The following DPP10 variants were observed in gnomAD, a reference collection of about 807,000 sequenced individuals.
DPP10 encodes the protein inactive dipeptidyl peptidase 10.
A neutral mutation model predicts 120.9 loss-of-function variants in DPP10; 33 were observed. The ratio of observed to expected loss-of-function variants is 0.27; its 90% CI spans 0.21 to 0.37. The LOEUF is 0.37. Ranked by LOEUF, DPP10 falls within the 10% of genes least tolerant of loss-of-function variation. The probability of loss-of-function intolerance (pLI) is 1.00; values close to 1 mark genes in which losing one functional copy is unlikely to be tolerated. For synonymous variants in DPP10, 337 were observed against 326.1 expected, an observed-to-expected ratio of 1.03 and a Z score of -0.36; for missense variants, 816 against 942.8, an observed-to-expected ratio of 0.87 and a Z score of 1.76.
chr2:115,655,744 C>T (rs1464567702), intron 5 of DPP10, among the ~76,000 whole-genome samples: 2 of 151,452 alleles, frequency 1.3e-5, no homozygotes, highest in South Asian at 2.1e-4. Context: ...ATCATATAAT[C>T]GCTCAACACA....
chr2:115,372,480 G>T (rs114247539), intron 3 of DPP10, among the ~76,000 whole-genome samples: 1,684 of 152,186 alleles, frequency 0.011, 27 homozygotes, highest in African/African-American at 0.039. Flanking sequence ...ATTTTGCAGG[G>T]TATCTCATTG....
chr2:114,957,128 G>C (rs781569716), intron 1 of DPP10, among the ~76,000 whole-genome samples: 1 of 151,704 alleles, frequency 6.6e-6, no homozygotes, highest in Non-Finnish European at 1.5e-5. Context: ...GGAAATAATA[G>C]AGTGAAAAAA....
chr2:115,326,860 G>C (rs764693777), intron 2 of DPP10, among the ~76,000 whole-genome samples: 2 of 151,998 alleles, frequency 1.3e-5, no homozygotes, highest in Non-Finnish European at 2.9e-5. Context: ...AAGTAAAGCA[G>C]TTACAGGAAG....
intron 1 of DPP10, among the ~76,000 whole-genome samples, chr2:114,531,847 G>C (rs1274134330): frequency 1.3e-5 from 2 of 151,828 alleles, no homozygotes; most frequent in African/African-American, 4.8e-5. Flanking sequence ...CTGAACTAAG[G>C]GATGCTCATA....
chr2:115,016,431 GA>G (rs1702641683), intron 1 of DPP10, among the ~76,000 whole-genome samples: 1 of 152,118 alleles, frequency 6.6e-6, no homozygotes, highest in African/African-American at 2.4e-5. Context: ...TACCATTCAG[GA>G]TATAGGCATG....
chr2:115,278,040 A>G (rs1379734387), intron 1 of DPP10, among the ~76,000 whole-genome samples: 1 of 152,208 alleles, frequency 6.6e-6, no homozygotes. Context: ...AGTTAAGGCC[A>G]TAGTTTGGGA....
chr2:115,240,993 G>A (rs1045859568), intron 1 of DPP10, among the ~76,000 whole-genome samples: 6 of 152,096 alleles, frequency 3.9e-5, no homozygotes, highest in Admixed American at 2.6e-4. Context: ...AGTGTTGGTC[G>A]GGCGCAGTGG....
chr2:114,860,990 T>C (rs1342380630), intron 1 of DPP10, among the ~76,000 whole-genome samples: 1 of 152,226 alleles, frequency 6.6e-6, no homozygotes, highest in African/African-American at 2.4e-5. Flanking sequence ...TCTATATTTT[T>C]ACATGAGGAG....
At chr2:114,979,062 C>T (rs892497582) in intron 1 of DPP10, among the ~76,000 whole-genome samples, 1 of 152,076 alleles carries the variant, frequency 6.6e-6, no homozygotes, top group Non-Finnish European at 1.5e-5. Flanking sequence ...ACTGAGCAAT[C>T]TCACCATATA....
intron 1 of DPP10, among the ~76,000 whole-genome samples, chr2:114,745,026 C>G (rs1049570794): frequency 6.6e-6 from 1 of 152,020 alleles, no homozygotes; most frequent in Non-Finnish European, 1.5e-5. Flanking sequence ...TCCCAAAGTG[C>G]TTGGATGACA....
chr2:115,435,602 G>A (rs962889828), intron 3 of DPP10, among the ~76,000 whole-genome samples: 5 of 151,628 alleles, frequency 3.3e-5, no homozygotes, highest in African/African-American at 1.2e-4. Flanking sequence ...GATTATTAAT[G>A]CCTTATTGTT....
chr2:115,277,302 A>C (rs1458307044), intron 1 of DPP10, among the ~76,000 whole-genome samples: 1 of 152,152 alleles, frequency 6.6e-6, no homozygotes, highest in Non-Finnish European at 1.5e-5. Context: ...CAGGCAGTCA[A>C]GTGCAATGGC....
intron 4 of DPP10, among the ~76,000 whole-genome samples, chr2:115,508,614 A>T (rs2077069674): frequency 6.6e-6 from 1 of 152,256 alleles, no homozygotes; most frequent in South Asian, 2.1e-4. Context: ...TCCTAAAGAA[A>T]TGAAGATGAG....
intron 1 of DPP10, among the ~76,000 whole-genome samples, chr2:114,965,706 C>T (rs12478661): frequency 0.23 from 34,449 of 151,652 alleles, 4,168 homozygotes; most frequent in Middle Eastern, 0.38. Flanking sequence ...AGGCCGGGCG[C>T]GGTGGCTCAC....
In DPP10 at chr2:114,905,598, T is replaced by G. The variant is rs1331366251; in HGVS notation, c.61-403641T>G. 2.0e-5 allele frequency among the ~76,000 whole-genome samples: 3 copies of G among 152,292 alleles called. No individual in the cohort carries two copies. In the East Asian group the frequency reaches 5.8e-4, roughly 29 times the overall value. ...ACCCAGGTTTTTAGCCTAGTACCCT[T>G]TAGTCAATTTTTCTGATCCTCTCCC... On this transcript the variant is annotated intron_variant, in intron 1 of 25. Coordinates refer to ENST00000410059, the MANE Select transcript of DPP10 (RefSeq NM_020868.6).
chr2:115,583,682 C>G (rs2082127255), intron 5 of DPP10, among the ~76,000 whole-genome samples: 1 of 152,140 alleles, frequency 6.6e-6, no homozygotes. Flanking sequence ...TTCTACTGAT[C>G]AAATAGTCAC....
intron 1 of DPP10, chr2:114,462,080 G>A: frequency 5.1e-6 from 5 of 985,404 alleles, no homozygotes; most frequent in Non-Finnish European, 6.0e-6. Flanking sequence ...GCTTCACCAG[G>A]ATGATCAATG....
chr2:115,268,890 C>T (rs1184163310), intron 1 of DPP10, among the ~76,000 whole-genome samples: 6 of 141,618 alleles, frequency 4.2e-5, no homozygotes, highest in African/African-American at 1.6e-4. Flanking sequence ...TGGCTCACGC[C>T]TGTAATCCCA....
chr2:115,739,693 G>A (rs1315450074), intron 8 of DPP10, 46 bp from the exon 9 acceptor site: 1 of 1,590,674 alleles, frequency 6.3e-7, no homozygotes, highest in African/African-American at 1.3e-5. Flanking sequence ...GGGTCACTGA[G>A]CCCACATCTC....
Sources: gnomAD v4.1 joint callset for allele counts (sites outside exome capture counted in the v4.1 genomes callset) on GRCh38, gnomAD v4.1.1 for gene constraint, MANE v1.5 for transcripts, NCBI Gene and HGNC (gene_info 2026-07-23, HGNC 2026-07-21) for gene names.